The following TMEM116 variants were observed in gnomAD, a reference collection of about 807,000 sequenced individuals.
TMEM116 encodes transmembrane protein 116.
Under a neutral mutation model 44.3 loss-of-function variants are expected in TMEM116, and 38 were observed. That is an observed-to-expected ratio of 0.86 (90% CI 0.66 to 1.12). TMEM116 has a LOEUF of 1.12. TMEM116 is among the 50% of genes most tolerant of loss of function. The pLI, the probability that TMEM116 is intolerant of heterozygous loss-of-function variation, is 0.00. For synonymous variants in TMEM116, 132 were observed against 144.8 expected (o/e 0.91, Z 0.64); for missense variants, 354 against 401.7 (o/e 0.88, Z 1.01).
rs1465338234 is a variant in TMEM116 at position 111,970,368 on chromosome 12, T to C, written c.210+21390A>G. ...CATGCAAAACTGCAAAGACTATTGG[T>C]GAACTGTGAGAAATCCTAATACCTG... is the stretch of plus-strand genomic sequence containing the variant. On this transcript the variant is annotated intron_variant, in intron 4 of 10. Coordinates refer to ENST00000552374, the MANE Select transcript of TMEM116 (RefSeq NM_001193531.2). Among the ~76,000 whole-genome samples, 9 of 151,622 alleles carry C rather than the reference T, an allele frequency of 5.9e-5. 1 individual carries two copies. The South Asian group carries it at 1.5e-3, about 25-fold the overall frequency.
chr12:111,937,668 C>A (rs2072271511), intron 6 of TMEM116, among the ~76,000 whole-genome samples: 1 of 152,172 alleles, frequency 6.6e-6, no homozygotes, highest in Non-Finnish European at 1.5e-5. Context: ...AAATAGCCAG[C>A]TATTTATCCT....
intron 1 of TMEM116, among the ~76,000 whole-genome samples, chr12:112,007,357 T>C (rs1298391966): frequency 6.6e-6 from 1 of 152,184 alleles, no homozygotes; most frequent in Non-Finnish European, 1.5e-5. Flanking sequence ...GAGGTTGCAA[T>C]GAGCTGAGAT....
At chr12:111,943,794 C>T (rs1187044730) in intron 4 of TMEM116, among the ~76,000 whole-genome samples, 3 of 152,094 alleles carry the variant, frequency 2.0e-5, no homozygotes, top group African/African-American at 4.8e-5. Flanking sequence ...GCCTTGGCCT[C>T]CCTAAGTGCT....
At chr12:111,933,240 CAAA>C (rs201394868) in intron 9 of TMEM116, among the ~76,000 whole-genome samples, 2 of 109,848 alleles carry the variant, frequency 1.8e-5, no homozygotes, top group African/African-American at 3.3e-5. Flanking sequence ...GACTCTGTCT[CAAA>C]AAAAAAAAAA....
At chr12:111,950,286 T>G (rs1461005088) in intron 4 of TMEM116, among the ~76,000 whole-genome samples, 1 of 152,012 alleles carries the variant, frequency 6.6e-6, no homozygotes. Context: ...GATGAGAAAT[T>G]GATGCCTTTA....
intron 4 of TMEM116, among the ~76,000 whole-genome samples, chr12:111,968,644 C>T (rs1351201689): frequency 6.6e-6 from 1 of 152,188 alleles, no homozygotes; most frequent in Non-Finnish European, 1.5e-5. Flanking sequence ...AAATAGTCAT[C>T]ATAACTACAT....
intron 4 of TMEM116, among the ~76,000 whole-genome samples, chr12:111,986,509 C>T (rs1165082209): frequency 6.6e-6 from 1 of 151,262 alleles, no homozygotes; most frequent in African/African-American, 2.4e-5. Context: ...GGGGAAAGGA[C>T]ATTCTTTTCA....
intron 9 of TMEM116, among the ~76,000 whole-genome samples, chr12:111,933,489 CTTTTTTTTTT>C (rs202131081): frequency 1.5e-5 from 2 of 134,810 alleles, no homozygotes; most frequent in Non-Finnish European, 3.2e-5. Flanking sequence ...AGCCATCCTT[CTTTTTTTTTT>C]TTTTTTTGAG....
At chr12:111,982,087 A>G (rs1316624506) in intron 4 of TMEM116, among the ~76,000 whole-genome samples, 1 of 152,130 alleles carries the variant, frequency 6.6e-6, no homozygotes, top group Non-Finnish European at 1.5e-5. Flanking sequence ...TTTCAGTTAG[A>G]TAGGAGAAAA....
intron 3 of TMEM116, chr12:111,992,930 A>G (rs894265689): frequency 2.6e-5 from 4 of 152,604 alleles, no homozygotes; most frequent in Non-Finnish European, 5.9e-5. Context: ...GAAGTACAAA[A>G]TATCACCCTG....
At chr12:111,936,468 T>C (rs1256349025) in intron 8 of TMEM116, 2 of 478,160 alleles carry the variant, frequency 4.2e-6, no homozygotes, top group Non-Finnish European at 7.3e-6. Context: ...TGAGCATAAT[T>C]TTCACCTAAT....
intron 4 of TMEM116, among the ~76,000 whole-genome samples, chr12:111,981,841 C>G (rs776477796): frequency 6.6e-6 from 1 of 152,150 alleles, no homozygotes; most frequent in Non-Finnish European, 1.5e-5. Context: ...TAATGGAATA[C>G]TATTCAGCCT....
chr12:111,950,953 T>C (rs2073691512), intron 4 of TMEM116, among the ~76,000 whole-genome samples: 1 of 152,082 alleles, frequency 6.6e-6, no homozygotes, highest in African/African-American at 2.4e-5. Flanking sequence ...GTCTAATATC[T>C]AGCATTTATA....
At chr12:111,975,773 T>C (rs1312995821) in intron 4 of TMEM116, among the ~76,000 whole-genome samples, 4 of 148,746 alleles carry the variant, frequency 2.7e-5, no homozygotes, top group Non-Finnish European at 5.9e-5. Flanking sequence ...AGCCTTCTTG[T>C]CTGATGTAAA....
At chr12:112,005,816 G>C in intron 1 of TMEM116, 2 of 880,900 alleles carry the variant, frequency 2.3e-6, no homozygotes, top group Non-Finnish European at 2.7e-6. Context: ...GTAGAAAGAG[G>C]AAAGATAGAC....
At chr12:111,938,408 A>C (rs1707252726) in intron 5 of TMEM116, among the ~76,000 whole-genome samples, 198 bp from the exon 6 acceptor site, 1 of 152,170 alleles carries the variant, frequency 6.6e-6, no homozygotes, top group South Asian at 2.1e-4. Context: ...TTTTATCTCT[A>C]TTACTATATT....
At chr12:112,005,507 C>T (rs2077528977) in intron 1 of TMEM116, 1 of 483,712 alleles carries the variant, frequency 2.1e-6, no homozygotes, top group South Asian at 1.1e-4. Flanking sequence ...ATTTCTATTT[C>T]ACTGGGAAAT....
intron 5 of TMEM116, among the ~76,000 whole-genome samples, chr12:111,939,378 G>A (rs1428953266): frequency 2.0e-5 from 3 of 151,356 alleles, no homozygotes; most frequent in Non-Finnish European, 4.4e-5. Context: ...GCTTGAACCC[G>A]GGAGGTGGAG....
chr12:112,004,484 G>A (rs12426505), intron 2 of TMEM116, among the ~76,000 whole-genome samples: 21,528 of 151,880 alleles, frequency 0.14, 1,919 homozygotes, highest in African/African-American at 0.25. Context: ...ACAGGGTCTC[G>A]CTATGTTGCC....
Sources: gnomAD v4.1 joint callset for allele counts (sites outside exome capture counted in the v4.1 genomes callset) on GRCh38, gnomAD v4.1.1 for gene constraint, MANE v1.5 for transcripts, NCBI Gene and HGNC (gene_info 2026-07-23, HGNC 2026-07-21) for gene names.